The following PLD5 variants were observed in gnomAD, a reference collection of about 807,000 sequenced individuals.
PLD5 encodes inactive phospholipase D5.
PLD5 carries 36 observed loss-of-function variants against 61.1 expected under a neutral mutation model. The observed-to-expected ratio is 0.59, with a 90% confidence interval of 0.45 to 0.78. PLD5 has a LOEUF of 0.78. Among genes scored for constraint, PLD5 ranks in the 30% least tolerant of loss-of-function variants. The probability of loss-of-function intolerance (pLI) is 0.00; values close to 1 mark genes in which losing one functional copy is unlikely to be tolerated. For synonymous variants in PLD5, 243 were observed against 242.8 expected (o/e 1.00, Z -0.01); for missense variants, 515 against 644.4 (o/e 0.80, Z 2.17).
intron 2 of PLD5, among the ~76,000 whole-genome samples, chr1:242,323,763 T>A (rs559205750): frequency 2.2e-4 from 33 of 152,168 alleles, no homozygotes; most frequent in South Asian, 4.2e-4. Flanking sequence ...TAGAAAAAAA[T>A]TTTATATTTT....
rs1676432079 is a variant in PLD5 at position 242,307,341 on chromosome 1, A to ATGATGATGG, written c.327-18812_327-18811insCCATCATCA. On this transcript the variant is annotated intron_variant, in intron 2 of 9. Coordinates refer to ENST00000536534, the MANE Select transcript of PLD5 (RefSeq NM_001372062.1). ...TCACGCATTTCAAAATAGCAAAACG[A>ATGATGATGG]TGATGACGGTGATGATGATGGTGAT... 1.8e-4 allele frequency among the ~76,000 whole-genome samples: 27 copies of ATGATGATGG among 148,716 alleles called. No homozygotes were observed. The South Asian group carries it at 5.5e-3, about 30-fold the overall frequency.
intron 4 of PLD5, among the ~76,000 whole-genome samples, chr1:242,227,654 G>A (rs528472348): frequency 6.6e-5 from 10 of 152,154 alleles, no homozygotes; most frequent in East Asian, 1.9e-4. Flanking sequence ...ATAAGCCACC[G>A]TGCCCAGCCC....
At chr1:242,487,633 G>T (rs989536086) in intron 1 of PLD5, among the ~76,000 whole-genome samples, 22 of 152,144 alleles carry the variant, frequency 1.4e-4, no homozygotes, top group African/African-American at 5.3e-4. Context: ...AATAATCTTT[G>T]CAAAATACAC....
intron 1 of PLD5, among the ~76,000 whole-genome samples, chr1:242,493,556 C>A (rs1005092749): frequency 6.6e-6 from 1 of 152,176 alleles, no homozygotes; most frequent in Admixed American, 6.5e-5. Flanking sequence ...GTTTCGCCAG[C>A]CCCCTGCCCT....
At chr1:242,323,638 T>A (rs918329754) in intron 2 of PLD5, among the ~76,000 whole-genome samples, 13 of 152,364 alleles carry the variant, frequency 8.5e-5, no homozygotes, top group African/African-American at 3.1e-4. Context: ...GTTCCCGAGC[T>A]GCATAGGAAC....
At chr1:242,168,922 T>A (rs2148870080) in intron 5 of PLD5, among the ~76,000 whole-genome samples, 1 of 141,504 alleles carries the variant, frequency 7.1e-6, no homozygotes, top group Admixed American at 7.8e-5. Flanking sequence ...GGACCTCTGC[T>A]ACTTATAAAG....
intron 1 of PLD5, among the ~76,000 whole-genome samples, chr1:242,428,926 T>C (rs1306158315): frequency 6.6e-6 from 1 of 152,164 alleles, no homozygotes; most frequent in African/African-American, 2.4e-5. Context: ...TTGCCCTCGG[T>C]GATGAATGTT....
At chr1:242,517,816 A>G (rs1669152045) in intron 1 of PLD5, among the ~76,000 whole-genome samples, 1 of 152,208 alleles carries the variant, frequency 6.6e-6, no homozygotes. Flanking sequence ...TAAAGACCTC[A>G]CAGCTTCCTA....
intron 4 of PLD5, among the ~76,000 whole-genome samples, chr1:242,242,296 GTGCCCTGGATTCTCCAGCC>G: frequency 6.6e-6 from 1 of 152,190 alleles, no homozygotes; most frequent in African/African-American, 2.4e-5. Context: ...TCCAGGGGCA[GTGCCCTGGATTCTCCAGCC>G]TGTCCCCCTA....
chr1:242,385,588 T>C (rs1662552484), intron 1 of PLD5, among the ~76,000 whole-genome samples: 1 of 152,142 alleles, frequency 6.6e-6, no homozygotes, highest in Non-Finnish European at 1.5e-5. Context: ...AACTGTCTTT[T>C]TCTCAATCCT....
chr1:242,337,468 T>G (rs1478074735), intron 2 of PLD5, among the ~76,000 whole-genome samples: 2 of 151,932 alleles, frequency 1.3e-5, no homozygotes, highest in Non-Finnish European at 2.9e-5. Flanking sequence ...CCGTCTCTAC[T>G]AAAAATACAA....
At chr1:242,280,409 A>G (rs530043459) in intron 3 of PLD5, among the ~76,000 whole-genome samples, 1 of 152,290 alleles carries the variant, frequency 6.6e-6, no homozygotes, top group Non-Finnish European at 1.5e-5. Flanking sequence ...GAGAATTTGT[A>G]TGTATCCTAA....
chr1:242,128,305 A>C (rs1662956968), intron 5 of PLD5, among the ~76,000 whole-genome samples: 1 of 109,160 alleles, frequency 9.2e-6, no homozygotes, highest in Admixed American at 9.4e-5. Context: ...ATCCTGTCTC[A>C]AGGAAAGAAA....
At chr1:242,134,827 C>T (rs548966914) in intron 5 of PLD5, among the ~76,000 whole-genome samples, 1 of 152,284 alleles carries the variant, frequency 6.6e-6, no homozygotes, top group Admixed American at 6.5e-5. Context: ...TTCCCAGCAC[C>T]ATTGGTTCTC....
chr1:242,321,035 A>G (rs1258421312), intron 2 of PLD5, among the ~76,000 whole-genome samples: 1 of 152,170 alleles, frequency 6.6e-6, no homozygotes, highest in African/African-American at 2.4e-5. Context: ...AAAACATTCT[A>G]CTATCAACCG....
In PLD5 at chr1:242,089,975, G is replaced by T. The variant is rs750902393; in HGVS notation, c.1490C>A (p.Pro497Gln). The change falls in exon 10 of 10, where the codon CCG becomes CAG. Residue 497 changes from proline to glutamine, a missense_variant. Around this residue, in one of 2 missense-constraint regions of PLD5, gnomAD observed 450 missense variants for 598.1 expected, o/e 0.75. Coordinates refer to ENST00000536534, the MANE Select transcript of PLD5 (RefSeq NM_001372062.1). The part of the protein sequence containing the change: ...KDVFERDWYS[P>Q]YAKTLQPTKQ... Reference sequence around the variant, plus strand: ...GGTTGGCTGTAAGGTTTTGGCATACGGTGAATACCAGTCCCTTTCAAACAC... The same window carrying T: ...GGTTGGCTGTAAGGTTTTGGCATACTGTGAATACCAGTCCCTTTCAAACAC... 1.9e-6 allele frequency: 3 copies of T among 1,614,134 alleles called. No individual in the cohort carries two copies. The South Asian group carries it at 3.3e-5, about 18-fold the overall frequency.
intron 4 of PLD5, among the ~76,000 whole-genome samples, chr1:242,248,381 C>G (rs1672512385): frequency 6.6e-6 from 1 of 151,970 alleles, no homozygotes; most frequent in Non-Finnish European, 1.5e-5. Flanking sequence ...TACAGCCAAT[C>G]ATGTGTATAT....
chr1:242,500,125 T>C (rs1668507011), intron 1 of PLD5, among the ~76,000 whole-genome samples: 1 of 152,152 alleles, frequency 6.6e-6, no homozygotes, highest in Non-Finnish European at 1.5e-5. Flanking sequence ...TCACATAGTG[T>C]AGCTTTTGTC....
At chr1:242,509,523 T>C (rs967772070) in intron 1 of PLD5, among the ~76,000 whole-genome samples, 1 of 152,242 alleles carries the variant, frequency 6.6e-6, no homozygotes, top group African/African-American at 2.4e-5. Context: ...CCTGCCTTTC[T>C]TTCTTCCTCC....
Sources: allele counts gnomAD v4.1 joint callset (sites outside exome capture counted in the v4.1 genomes callset), GRCh38; gene constraint gnomAD v4.1.1; regional missense constraint gnomAD v4.1.1; transcripts MANE v1.5; gene names NCBI Gene and HGNC (gene_info 2026-07-23, HGNC 2026-07-21).